Variants in MRAP2 observed in about 807,000 individuals in gnomAD.
MRAP2 encodes melanocortin-2 receptor accessory protein 2.
Under a neutral mutation model 17.4 loss-of-function variants are expected in MRAP2, and 20 were observed. The observed-to-expected ratio is 1.15, with a 90% CI of 0.81 to 1.67. The LOEUF (loss-of-function observed/expected upper bound fraction) is 1.67. Ranked by LOEUF, MRAP2 falls within the 40% of genes most tolerant of loss-of-function variation. MRAP2 has a pLI of 0.00. For synonymous variants in MRAP2, 96 were observed against 88.4 expected (o/e 1.09, Z -0.48); for missense variants, 238 against 240.0 (o/e 0.99, Z 0.05).
At chr6:84,066,941 G>A (rs2099494878) in intron 3 of MRAP2, among the ~76,000 whole-genome samples, 1 of 152,076 alleles carries the variant, frequency 6.6e-6, no homozygotes, top group African/African-American at 2.4e-5. Flanking sequence ...GTTACATAAG[G>A]AAGTTCCTTA....
intron 1 of MRAP2, among the ~76,000 whole-genome samples, chr6:84,035,159 C>G (rs1327696028): frequency 6.6e-6 from 1 of 152,210 alleles, no homozygotes; most frequent in Non-Finnish European, 1.5e-5. Context: ...AGCCTAAACC[C>G]TTTAAAGAGG....
chr6:84,120,986 A>C, the MRAP2 span, among the ~76,000 whole-genome samples: 97 of 152,310 alleles, frequency 6.4e-4, 1 homozygote, highest in African/African-American at 2.2e-3. Flanking sequence ...GTATGACAAA[A>C]TGCAAAAACT....
At chr6:84,071,131 T>G (rs1468077079) in intron 3 of MRAP2, among the ~76,000 whole-genome samples, 1 of 152,102 alleles carries the variant, frequency 6.6e-6, no homozygotes, top group African/African-American at 2.4e-5. Context: ...GTACTTTGGT[T>G]TTATTGTTTT....
downstream of MRAP2, among the ~76,000 whole-genome samples, chr6:84,094,335 T>C (rs928610637): frequency 2.0e-5 from 3 of 152,192 alleles, no homozygotes; most frequent in African/African-American, 7.2e-5. Context: ...TGCAATATAA[T>C]TGGCTGAGAA....
chr6:84,138,494 A>C, the MRAP2 span, among the ~76,000 whole-genome samples: 1 of 152,306 alleles, frequency 6.6e-6, no homozygotes, highest in Non-Finnish European at 1.5e-5. Flanking sequence ...AGTCTTGTCA[A>C]AACAGCTAGA....
chr6:84,042,821 T>C (rs2099487979), intron 1 of MRAP2, among the ~76,000 whole-genome samples: 1 of 152,240 alleles, frequency 6.6e-6, no homozygotes, highest in South Asian at 2.1e-4. Flanking sequence ...GAAGATAAGA[T>C]GGTCATTAGA....
intron 1 of MRAP2, chr6:84,045,402 C>T (rs2099488716): frequency 1.0e-6 from 1 of 984,982 alleles, no homozygotes; most frequent in Non-Finnish European, 1.2e-6. Context: ...GCTCTGGAGC[C>T]ACCTCCACGA....
At chr6:84,086,738 G>A (rs1319551946) in intron 3 of MRAP2, among the ~76,000 whole-genome samples, 2 of 152,152 alleles carry the variant, frequency 1.3e-5, no homozygotes, top group Admixed American at 6.5e-5. Flanking sequence ...CAGGGGGCAG[G>A]AAAGGCACCT....
At chr6:84,041,427 T>C (rs1000952825) in intron 1 of MRAP2, among the ~76,000 whole-genome samples, 1 of 152,156 alleles carries the variant, frequency 6.6e-6, no homozygotes, top group Non-Finnish European at 1.5e-5. Flanking sequence ...CACTGCCTAG[T>C]GGAGTTCTGA....
At position 84,067,736 on chromosome 6, in the gene MRAP2, T is replaced by G. The variant is rs1380401709; in HGVS notation, c.227+4744T>G. The stretch of plus-strand genomic sequence containing the variant: ...CCCACTTTTGGATGGAATTGTTTTT[T>G]TTTTTTTTTTTCTTACTGATTTGTT... On this transcript the variant is annotated intron_variant, in intron 3 of 3. Transcript: ENST00000257776. Among the ~76,000 whole-genome samples the G allele has an allele frequency of 5.9e-3, 864 of 145,524 alleles. 4 individuals carry two copies. Among genetic ancestry groups the G allele is most frequent in the African/African-American group, 0.021 (831 of 39,828 alleles).
intron 1 of MRAP2, among the ~76,000 whole-genome samples, chr6:84,041,070 C>A (rs372978233): frequency 6.6e-6 from 1 of 152,216 alleles, no homozygotes; most frequent in Admixed American, 6.5e-5. Flanking sequence ...CAGGCCCCCC[C>A]TGCTGCGTGC....
At chr6:84,117,645 GTGTGTCTGTGT>G in the MRAP2 span, among the ~76,000 whole-genome samples, 2 of 104,514 alleles carry the variant, frequency 1.9e-5, no homozygotes, top group African/African-American at 1.7e-4. Context: ...GATGTGGGGT[GTGTGTCTGTGT>G]GTGTGTGTGT....
At chr6:84,044,746 A>C (rs1028037580) in intron 1 of MRAP2, among the ~76,000 whole-genome samples, 2 of 152,212 alleles carry the variant, frequency 1.3e-5, no homozygotes, top group Non-Finnish European at 2.9e-5. Context: ...ATACAGTCAC[A>C]TTCTGAGATA....
At chr6:84,134,842 T>A in the MRAP2 span, among the ~76,000 whole-genome samples, 1 of 147,606 alleles carries the variant, frequency 6.8e-6, no homozygotes, top group Non-Finnish European at 1.5e-5. Flanking sequence ...TAAATAATTA[T>A]ATTATAATGC....
At chr6:84,097,168 T>C in the MRAP2 span, among the ~76,000 whole-genome samples, 2 of 152,156 alleles carry the variant, frequency 1.3e-5, no homozygotes, top group Non-Finnish European at 2.9e-5. Context: ...TGTCCTACTC[T>C]CCTGCCCATC....
chr6:84,078,454 A>G (rs2497142), intron 3 of MRAP2, among the ~76,000 whole-genome samples: 2 of 152,184 alleles, frequency 1.3e-5, no homozygotes, highest in African/African-American at 4.8e-5. Context: ...TCCCATTGGA[A>G]TGTCTAACAT....
the MRAP2 span, among the ~76,000 whole-genome samples, chr6:84,109,387 A>G: frequency 6.6e-6 from 1 of 151,854 alleles, no homozygotes; most frequent in African/African-American, 2.4e-5. Flanking sequence ...GAGGTCCTTC[A>G]TTCCCTTGTT....
the MRAP2 span, among the ~76,000 whole-genome samples, chr6:84,116,694 T>C: frequency 3.3e-5 from 5 of 152,232 alleles, no homozygotes; most frequent in Non-Finnish European, 7.3e-5. Context: ...GTTTTTGACA[T>C]GAAGCAATGT....
At chr6:84,091,727 TAAG>T (rs963049797), downstream of MRAP2, among the ~76,000 whole-genome samples, 2 of 152,194 alleles carry the variant, frequency 1.3e-5, no homozygotes, top group Non-Finnish European at 2.9e-5. Context: ...AACTAAATGT[TAAG>T]AACTGTGAAT....
Sources: allele counts gnomAD v4.1 joint callset (sites outside exome capture counted in the v4.1 genomes callset), GRCh38; gene constraint gnomAD v4.1.1; transcripts MANE v1.5; gene names NCBI Gene and HGNC (gene_info 2026-07-23, HGNC 2026-07-21).